PADI4: variants seen among roughly 807,000 people sequenced by gnomAD.
The protein encoded by PADI4 is peptidyl arginine deiminase 4, also known as protein-arginine deiminase type-4.
PADI4 carries 62 observed loss-of-function variants against 75.0 expected under a neutral mutation model. The observed-to-expected ratio is 0.83, with a 90% CI of 0.67 to 1.02. The LOEUF (loss-of-function observed/expected upper bound fraction) is 1.02. Among genes scored for constraint, PADI4 ranks in the 50% least tolerant of loss-of-function variants. The probability of loss-of-function intolerance (pLI) is 0.00; values close to 1 mark genes in which losing one functional copy is unlikely to be tolerated. For missense variants in PADI4, 845 were observed against 850.5 expected (o/e 0.99, Z 0.08); for synonymous variants, 361 against 348.1 (o/e 1.04, Z -0.41).
At chr1:17,321,272 G>A (rs993310439) in intron 1 of PADI4, among the ~76,000 whole-genome samples, 1 of 152,200 alleles carries the variant, frequency 6.6e-6, no homozygotes, top group African/African-American at 2.4e-5. Flanking sequence ...TGGGGGGCAG[G>A]TGCAGGGAAC....
chr1:17,353,752 A>G (rs934088276), intron 10 of PADI4, among the ~76,000 whole-genome samples: 1 of 152,166 alleles, frequency 6.6e-6, no homozygotes, highest in Non-Finnish European at 1.5e-5. Context: ...AGGGCCTGTG[A>G]TGATGGAAGC....
At chr1:17,332,000 C>A (rs1235651356) in intron 2 of PADI4, among the ~76,000 whole-genome samples, 2 of 152,186 alleles carry the variant, frequency 1.3e-5, no homozygotes, top group African/African-American at 4.8e-5. Context: ...GTTCAGAAGT[C>A]TGAGGTCAAG....
chr1:17,360,214 C>T (rs1209601394), intron 15 of PADI4, among the ~76,000 whole-genome samples: 1 of 151,850 alleles, frequency 6.6e-6, no homozygotes, highest in East Asian at 1.9e-4. Flanking sequence ...TCACTTGAAC[C>T]TGGGAGACGG....
In PADI4 at chr1:17,347,392, C is replaced by G. The variant is rs146549846; in HGVS notation, c.1048-549C>G. On this transcript the variant is annotated intron_variant, in intron 9 of 15. Transcript: ENST00000375448. ...TCACACCTGCCTGCTAGAATACAAGCCTGCGGAGGCGGAATTTTCAGCAGA... is the reference window on the plus strand; with the variant it reads ...TCACACCTGCCTGCTAGAATACAAGGCTGCGGAGGCGGAATTTTCAGCAGA... 5.1e-3 allele frequency among the ~76,000 whole-genome samples: 774 copies of G among 152,314 alleles called. 6 individuals are homozygous for G. The highest frequency in any genetic ancestry group is 0.017 in the African/African-American group (713 of 41,556).
intron 1 of PADI4, among the ~76,000 whole-genome samples, chr1:17,322,947 A>G (rs11203355): frequency 0.56 from 84,771 of 151,962 alleles, 23,839 homozygotes; most frequent in East Asian, 0.6. Flanking sequence ...GATAACATTT[A>G]TTGTATCATA....
intron 1 of PADI4, among the ~76,000 whole-genome samples, chr1:17,321,556 A>C (rs2074032976): frequency 6.6e-6 from 1 of 152,234 alleles, no homozygotes; most frequent in Non-Finnish European, 1.5e-5. Context: ...CCTGTAAGTA[A>C]TTGCTGTCAT....
Position 17,331,099 on chromosome 1 carries a change from G to A in PADI4, c.223G>A (p.Glu75Lys), listed in dbSNP as rs760736465. ...CACATGGCCCCTGGACCCTGGGGTA[G>A]AGGTGACCCTGACGATGAAAGTGGC... ...SSTWPLDPGVEVTLTMKVASG... is the reference protein window; with the variant it reads ...SSTWPLDPGVKVTLTMKVASG... Residue 75 changes from glutamate (E) to lysine (K), a missense_variant, in exon 2 of 16, where the codon GAG (glutamate) becomes AAG (lysine). Glu to Lys is a moderately conservative substitution (Grantham distance 56). Transcript: ENST00000375448. 4.3e-6 allele frequency: 7 copies of A among 1,612,376 alleles called. No individual in the cohort carries two copies. The South Asian group carries it at 5.5e-5, about 13-fold the overall frequency.
chr1:17,348,192 T>A (rs1395465991), intron 10 of PADI4, 144 bp downstream of exon 10: 1 of 543,670 alleles, frequency 1.8e-6, no homozygotes, highest in Non-Finnish European at 3.3e-6. Flanking sequence ...AGTGGGAGCA[T>A]GTAGGTGGGG....
intron 10 of PADI4, 132 bp from the exon 11 acceptor site, chr1:17,354,401 C>T (rs1445695226): frequency 1.3e-6 from 1 of 760,298 alleles, no homozygotes; most frequent in Non-Finnish European, 2.3e-6. Context: ...GATAACAGCA[C>T]CTGCTATGTG....
chr1:17,338,687 C>T (rs755073396), intron 5 of PADI4, among the ~76,000 whole-genome samples: 3 of 152,154 alleles, frequency 2.0e-5, no homozygotes, highest in Non-Finnish European at 4.4e-5. Flanking sequence ...CCCGGACGTC[C>T]CAACACCGGA....
rs1320128126 is a variant in PADI4, at chr1:17,356,038, G to T, written c.1366G>T (p.Val456Leu). The T allele has an allele frequency of 6.2e-7, 1 of 1,614,142 alleles. No homozygotes were observed. The highest frequency in any genetic ancestry group is 2.2e-5 in the East Asian group (1 of 44,874). ...ALQDFLSAQQ[V>L]QAPVKLYSDW... ...GCAGGACTTCCTCAGTGCCCAGCAGGTGCAGGCCCCTGTGAAGCTCTATTC... is the reference window on the plus strand; with the variant it reads ...GCAGGACTTCCTCAGTGCCCAGCAGTTGCAGGCCCCTGTGAAGCTCTATTC... The change falls in exon 12 of 16, where the codon GTG becomes TTG. Residue 456 changes from valine to leucine, a missense_variant. Physicochemically the swap from Val to Leu is conservative, Grantham distance 32 (BLOSUM62 1). Coordinates refer to ENST00000375448, the MANE Select transcript of PADI4 (RefSeq NM_012387.3). This position sits in a 1 kb window ranked among gnomAD's most constrained non-coding sequence, Gnocchi z 4.1.
In PADI4 at chr1:17,356,495, CCTT is replaced by C. The variant is rs770123392; in HGVS notation, c.1558+38_1558+40del. 490 of 1,248,266 alleles carry C rather than the reference CCTT, an allele frequency of 3.9e-4. 3 individuals carry two copies. The Middle Eastern group carries it at 4.7e-3, about 12-fold the overall frequency. 77.3% of individuals were successfully genotyped at this position (1,248,266 alleles called of 1,614,324 possible). On this transcript the variant is annotated intron_variant, in intron 13 of 15. Coordinates refer to ENST00000375448, the MANE Select transcript of PADI4 (RefSeq NM_012387.3). This position sits in a 1 kb window ranked among gnomAD's most constrained non-coding sequence, Gnocchi z 4.1. ...CCTGCCTTGTTCTCCTGTCTGTGCA[CCTT>C]CCTGCTTCCCATAGTCCGCTGTTGC...
intron 15 of PADI4, among the ~76,000 whole-genome samples, chr1:17,361,331 G>A (rs34632931): frequency 0.013 from 1,981 of 152,350 alleles, 18 homozygotes; most frequent in Middle Eastern, 0.031. Flanking sequence ...TTCCCAGTGC[G>A]GGAATGAAAG....
intron 1 of PADI4, among the ~76,000 whole-genome samples, chr1:17,318,214 G>T (rs1454658071): frequency 1.3e-5 from 2 of 152,218 alleles, no homozygotes; most frequent in African/African-American, 4.8e-5. Flanking sequence ...TGGCACCAAT[G>T]CAGAGAAGGA....
chr1:17,314,913 T>G (rs138688698), intron 1 of PADI4, among the ~76,000 whole-genome samples: 1 of 152,306 alleles, frequency 6.6e-6, no homozygotes, highest in Non-Finnish European at 1.5e-5. Context: ...TGCTGTGGTA[T>G]GTGGTGTGTT....
chr1:17,310,351 G>A (rs1046173765), intron 1 of PADI4, among the ~76,000 whole-genome samples: 21 of 152,080 alleles, frequency 1.4e-4, no homozygotes, highest in South Asian at 4.1e-4. Context: ...ATGGGTCTCC[G>A]TTCCAGACCT....
intron 6 of PADI4, among the ~76,000 whole-genome samples, chr1:17,340,320 AAC>A (rs540934696): frequency 1.1e-3 from 170 of 152,286 alleles, no homozygotes; most frequent in African/African-American, 3.8e-3. Context: ...AATTACATAA[AAC>A]ACCTAGTGTG....
chr1:17,341,942 G>A lies in PADI4; in HGVS notation c.653-1G>A. The A allele has an allele frequency of 6.2e-7, 1 of 1,612,572 alleles. No homozygotes were observed. Among genetic ancestry groups the A allele is most frequent in the South Asian group, 1.1e-5 (1 of 90,966 alleles). On this transcript the variant is annotated splice_acceptor_variant, in intron 6 of 15. Coordinates refer to ENST00000375448, the MANE Select transcript of PADI4 (RefSeq NM_012387.3). LOFTEE classifies it high-confidence loss of function. Reference sequence around the variant, plus strand: ...CTGAGTCTCCCCTGCCTCTCTCCTAGGGGGCAAACTGTCCTCCAAGTGCAG... The same window carrying A: ...CTGAGTCTCCCCTGCCTCTCTCCTAAGGGGCAAACTGTCCTCCAAGTGCAG...
intron 1 of PADI4, among the ~76,000 whole-genome samples, chr1:17,327,801 C>T (rs1425799462): frequency 6.6e-6 from 1 of 152,056 alleles, no homozygotes; most frequent in Non-Finnish European, 1.5e-5. Flanking sequence ...TCACCTCAGC[C>T]TCCCAAAGTT....
Sources: allele counts gnomAD v4.1 joint callset (sites outside exome capture counted in the v4.1 genomes callset), GRCh38; gene constraint gnomAD v4.1.1; non-coding constraint Gnocchi (gnomAD v3.1); transcripts MANE v1.5; gene names NCBI Gene and HGNC (gene_info 2026-07-23, HGNC 2026-07-21).